The following KHDRBS3 variants were observed in gnomAD, a reference collection of about 807,000 sequenced individuals.
KHDRBS3 encodes the protein KH RNA binding domain containing, signal transduction associated 3, also known as KH domain-containing, RNA-binding, signal transduction-associated protein 3.
A neutral mutation model predicts 45.6 loss-of-function variants in KHDRBS3; 23 were observed. The observed-to-expected ratio is 0.50, with a 90% CI of 0.36 to 0.72. The LOEUF (loss-of-function observed/expected upper bound fraction) is 0.72, where lower values mean the gene tolerates loss of function less well. KHDRBS3 is among the 30% of genes least tolerant of loss of function. The probability of loss-of-function intolerance (pLI) is 0.00; values close to 1 mark genes in which losing one functional copy is unlikely to be tolerated. For synonymous variants in KHDRBS3, 162 were observed against 156.5 expected (o/e 1.04, Z -0.26); for missense variants, 352 against 424.8 (o/e 0.83, Z 1.51).
intron 7 of KHDRBS3, among the ~76,000 whole-genome samples, chr8:135,620,070 CT>C (rs750819164): frequency 8.8e-3 from 1,204 of 136,668 alleles, no homozygotes; most frequent in African/African-American, 0.012. Flanking sequence ...TTAGCAAGGC[CT>C]TTTTTTTTTT....
intron 3 of KHDRBS3, among the ~76,000 whole-genome samples, chr8:135,545,420 T>C (rs1216529552): frequency 6.6e-6 from 1 of 152,182 alleles, no homozygotes; most frequent in Non-Finnish European, 1.5e-5. Flanking sequence ...TCAAAGTTAT[T>C]TGAATCCTCC....
At chr8:135,484,907 T>TATC (rs1420292364) in intron 1 of KHDRBS3, among the ~76,000 whole-genome samples, 2 of 152,140 alleles carry the variant, frequency 1.3e-5, no homozygotes, top group Non-Finnish European at 2.9e-5. Flanking sequence ...AAATGCTAGC[T>TATC]ATTATTATTA....
intron 1 of KHDRBS3, among the ~76,000 whole-genome samples, chr8:135,506,699 G>A (rs944590080): frequency 1.3e-5 from 2 of 151,906 alleles, no homozygotes; most frequent in African/African-American, 4.8e-5. Flanking sequence ...ACTGCACCTG[G>A]CTGAACTTAA....
At chr8:135,646,796 G>T (rs1332581723) in intron 8 of KHDRBS3, among the ~76,000 whole-genome samples, 197 bp from the exon 9 acceptor site, 1 of 152,170 alleles carries the variant, frequency 6.6e-6, no homozygotes, top group Non-Finnish European at 1.5e-5. Flanking sequence ...CGAATTTTGC[G>T]AGTGAGATGA....
chr8:135,504,788 T>G (rs1177451128), intron 1 of KHDRBS3, among the ~76,000 whole-genome samples: 1 of 152,216 alleles, frequency 6.6e-6, no homozygotes, highest in Non-Finnish European at 1.5e-5. Flanking sequence ...CTCAGATAAT[T>G]TAGCCTCCAG....
chr8:135,506,456 T>C (rs1223050525), intron 1 of KHDRBS3, among the ~76,000 whole-genome samples: 2 of 148,544 alleles, frequency 1.3e-5, no homozygotes, highest in African/African-American at 5.0e-5. Flanking sequence ...CAGGCTGGAG[T>C]GTAGTGGCGC....
intron 1 of KHDRBS3, among the ~76,000 whole-genome samples, chr8:135,473,313 G>A (rs1021243201): frequency 2.0e-5 from 3 of 152,054 alleles, no homozygotes; most frequent in African/African-American, 7.3e-5. Flanking sequence ...TTTAGACGAC[G>A]CGCTTTGTGG....
chr8:135,534,095 A>G (rs948210826), intron 2 of KHDRBS3, among the ~76,000 whole-genome samples: 2 of 146,780 alleles, frequency 1.4e-5, no homozygotes, highest in African/African-American at 4.9e-5. Context: ...GTATCCAAAC[A>G]TTTTTTAAAA....
chr8:135,505,569 T>C (rs1251870819), intron 1 of KHDRBS3, among the ~76,000 whole-genome samples: 1 of 152,036 alleles, frequency 6.6e-6, no homozygotes, highest in Non-Finnish European at 1.5e-5. Context: ...ATAGCAGGAA[T>C]TGGTTAGACA....
chr8:135,580,017 G>C (rs1339015582), intron 5 of KHDRBS3, among the ~76,000 whole-genome samples: 3 of 152,200 alleles, frequency 2.0e-5, no homozygotes, highest in Non-Finnish European at 4.4e-5. Context: ...GGAGGTCACA[G>C]AGCATTTGGG....
At chr8:135,534,930 G>T (rs1188295838) in intron 2 of KHDRBS3, among the ~76,000 whole-genome samples, 1 of 152,174 alleles carries the variant, frequency 6.6e-6, no homozygotes, top group Non-Finnish European at 1.5e-5. Flanking sequence ...AGGTGAAGAA[G>T]AGTCAGGCAA....
chr8:135,465,023 G>C (rs562777933), intron 1 of KHDRBS3, among the ~76,000 whole-genome samples: 2 of 152,186 alleles, frequency 1.3e-5, no homozygotes, highest in South Asian at 4.1e-4. Flanking sequence ...GGGCAGTTGC[G>C]TACCATACAG....
intron 7 of KHDRBS3, among the ~76,000 whole-genome samples, chr8:135,637,906 G>A (rs2131168028): frequency 6.6e-6 from 1 of 152,288 alleles, no homozygotes; most frequent in African/African-American, 2.4e-5. Flanking sequence ...TTAAGAAACA[G>A]TAGTTTGAAT....
At chr8:135,521,561 C>G (rs1824911750) in intron 2 of KHDRBS3, among the ~76,000 whole-genome samples, 1 of 152,064 alleles carries the variant, frequency 6.6e-6, no homozygotes, top group Non-Finnish European at 1.5e-5. Context: ...AAAATATATC[C>G]TTTTGAGTCA....
At chr8:135,494,916 G>A (rs1281215924) in intron 1 of KHDRBS3, among the ~76,000 whole-genome samples, 3 of 152,192 alleles carry the variant, frequency 2.0e-5, no homozygotes, top group African/African-American at 7.2e-5. Flanking sequence ...TGCCCTGGGG[G>A]TAGATGGTTT....
intron 1 of KHDRBS3, among the ~76,000 whole-genome samples, chr8:135,519,385 G>A (rs1446464657): frequency 1.3e-5 from 2 of 152,168 alleles, no homozygotes; most frequent in African/African-American, 4.8e-5. Flanking sequence ...CACTTCAGGT[G>A]CCAGCCACAA....
chr8:135,578,696 C>G (rs1235116933), intron 5 of KHDRBS3, among the ~76,000 whole-genome samples: 1 of 152,072 alleles, frequency 6.6e-6, no homozygotes, highest in Non-Finnish European at 1.5e-5. Context: ...GTTGTCTGTT[C>G]TGGGTCTTTT....
chr8:135,474,169 C>T (rs1055433343), intron 1 of KHDRBS3, among the ~76,000 whole-genome samples: 6 of 148,146 alleles, frequency 4.1e-5, no homozygotes, highest in Non-Finnish European at 7.4e-5. Flanking sequence ...AGAGTTTTGC[C>T]GTCTGTTTGA....
intron 1 of KHDRBS3, among the ~76,000 whole-genome samples, chr8:135,511,944 A>G (rs1276368122): frequency 6.6e-6 from 1 of 152,134 alleles, no homozygotes; most frequent in Non-Finnish European, 1.5e-5. Flanking sequence ...TGGTATATTT[A>G]TGCGTATTTA....
Sources: gnomAD v4.1 joint callset for allele counts (sites outside exome capture counted in the v4.1 genomes callset) on GRCh38, gnomAD v4.1.1 for gene constraint, MANE v1.5 for transcripts, NCBI Gene and HGNC (gene_info 2026-07-23, HGNC 2026-07-21) for gene names.